The following SRPX variants were observed in gnomAD, a reference collection of about 807,000 sequenced individuals.
SRPX encodes sushi repeat containing protein X-linked, also known as sushi repeat-containing protein SRPX.
A neutral mutation model predicts 38.1 loss-of-function variants in SRPX; 24 were observed. That is an observed-to-expected ratio of 0.63 (90% confidence interval 0.46 to 0.89). The LOEUF (loss-of-function observed/expected upper bound fraction) is 0.89. SRPX is among the 40% of genes least tolerant of loss of function. SRPX has a pLI of 0.00. For missense variants in SRPX, 416 were observed against 377.8 expected (o/e 1.10, Z -0.84); for synonymous variants, 184 against 153.8 (o/e 1.20, Z -1.45).
At chrX:38,216,111 A>G (rs954339000) in intron 1 of SRPX, among the ~76,000 whole-genome samples, 4 of 112,001 alleles carry the variant, frequency 3.6e-5, no homozygotes, top group African/African-American at 1.3e-4. Flanking sequence ...AGAGAAGCCC[A>G]CACATCCTCT....
intron 1 of SRPX, among the ~76,000 whole-genome samples, chrX:38,210,765 G>A (rs781534760): frequency 8.9e-5 from 10 of 112,299 alleles, no homozygotes; most frequent in Non-Finnish European, 1.3e-4. Context: ...TAAATTAACC[G>A]TATACAAGGC....
intron 1 of SRPX, among the ~76,000 whole-genome samples, chrX:38,191,925 C>T (rs1408654805): frequency 8.9e-6 from 1 of 112,510 alleles, no homozygotes; most frequent in Non-Finnish European, 1.9e-5. Flanking sequence ...CTCATATTTA[C>T]ATAATGCCTT....
chrX:38,217,192 C>G (rs2034050110), intron 1 of SRPX, among the ~76,000 whole-genome samples: 1 of 112,654 alleles, frequency 8.9e-6, no homozygotes, highest in South Asian at 3.6e-4. Context: ...ACGGCCCCTG[C>G]CTCCAAGGTC....
At chrX:38,179,509 A>G (rs1169261419) in intron 1 of SRPX, among the ~76,000 whole-genome samples, 2 of 111,775 alleles carry the variant, frequency 1.8e-5, no homozygotes, top group African/African-American at 6.5e-5. Context: ...TGTCTTGGTC[A>G]CGCATTTAGT....
chrX:38,190,979 A>G, intron 1 of SRPX, among the ~76,000 whole-genome samples: 1 of 111,726 alleles, frequency 9.0e-6, no homozygotes, highest in Non-Finnish European at 1.9e-5. Flanking sequence ...TGAGCCCTGA[A>G]GCTGCCAACG....
intron 1 of SRPX, among the ~76,000 whole-genome samples, chrX:38,195,057 G>T (rs55992566): frequency 9.2e-6 from 1 of 109,002 alleles, no homozygotes; most frequent in East Asian, 2.9e-4. Context: ...ATTTTTAGTA[G>T]AGATGGAGTT....
At chrX:38,208,634 C>A in intron 1 of SRPX, among the ~76,000 whole-genome samples, 1 of 111,011 alleles carries the variant, frequency 9.0e-6, no homozygotes, top group African/African-American at 3.3e-5. Flanking sequence ...CTGCTTTCAA[C>A]TTTTTATGCC....
At chrX:38,157,608 A>G in intron 7 of SRPX, among the ~76,000 whole-genome samples, 1 of 112,212 alleles carries the variant, frequency 8.9e-6, no homozygotes, top group Non-Finnish European at 1.9e-5. Flanking sequence ...TCCCATTTCA[A>G]AATCCTTAAC....
At chrX:38,214,847 A>C (rs1283803706) in intron 1 of SRPX, among the ~76,000 whole-genome samples, 2 of 111,921 alleles carry the variant, frequency 1.8e-5, no homozygotes, top group Non-Finnish European at 3.8e-5. Context: ...GTTTGCGAAC[A>C]ATCTTGGATC....
intron 1 of SRPX, among the ~76,000 whole-genome samples, chrX:38,183,915 CA>C (rs1273664213): frequency 9.0e-6 from 1 of 111,356 alleles, no homozygotes; most frequent in Non-Finnish European, 1.9e-5. Context: ...GCTCTCCTTG[CA>C]AAAACTTTCT....
At chrX:38,164,037 C>A (rs1051115840) in intron 5 of SRPX, among the ~76,000 whole-genome samples, 1 of 111,740 alleles carries the variant, frequency 8.9e-6, no homozygotes. Flanking sequence ...CTTTCCCCTT[C>A]TGTTCCTCCT....
rs747530019 is a variant in SRPX, at chrX:38,160,904, G to A, written c.775+29C>T. 2.7e-5 allele frequency: 32 copies of A among 1,199,209 alleles called. No individual in the cohort carries two copies. The East Asian group carries it at 6.2e-4, about 23-fold the overall frequency. On this transcript the variant is annotated intron_variant, in intron 6 of 9. Coordinates refer to ENST00000378533, the MANE Select transcript of SRPX (RefSeq NM_006307.5). Reference sequence around the variant, plus strand: ...CCCTTTGCTCTTCTAAAGAGAGGGGGAAACAAAACCAATAAGCAGTACTCT... The same window carrying A: ...CCCTTTGCTCTTCTAAAGAGAGGGGAAAACAAAACCAATAAGCAGTACTCT...
At chrX:38,201,982 T>C (rs1409942275) in intron 1 of SRPX, among the ~76,000 whole-genome samples, 1 of 111,923 alleles carries the variant, frequency 8.9e-6, no homozygotes, top group Non-Finnish European at 1.9e-5. Flanking sequence ...AAAGAAGAAC[T>C]GTAATGCTTC....
At chrX:38,158,707 G>A (rs774877074) in intron 7 of SRPX, among the ~76,000 whole-genome samples, 6 of 111,717 alleles carry the variant, frequency 5.4e-5, no homozygotes, top group South Asian at 3.8e-4. Flanking sequence ...GAGACCGGGC[G>A]CAGTGTCTCA....
intron 1 of SRPX, among the ~76,000 whole-genome samples, chrX:38,187,574 T>C (rs965240968): frequency 8.9e-5 from 10 of 112,517 alleles, no homozygotes; most frequent in Non-Finnish European, 1.7e-4. Context: ...TGGTTCCCTA[T>C]ATGCCTTTAT....
chrX:38,187,654 G>A (rs1938812212), intron 1 of SRPX, among the ~76,000 whole-genome samples: 1 of 112,089 alleles, frequency 8.9e-6, no homozygotes, highest in Non-Finnish European at 1.9e-5. Flanking sequence ...CTATTGCCGG[G>A]TCTCTTGTAT....
intron 1 of SRPX, among the ~76,000 whole-genome samples, chrX:38,205,038 C>G (rs1243068983): frequency 9.0e-6 from 1 of 111,480 alleles, no homozygotes; most frequent in African/African-American, 3.3e-5. Flanking sequence ...CTTGAGCTTA[C>G]AGTAAATGAT....
intron 5 of SRPX, among the ~76,000 whole-genome samples, chrX:38,161,873 A>T (rs1938270229): frequency 9.0e-6 from 1 of 111,652 alleles, no homozygotes; most frequent in Non-Finnish European, 1.9e-5. Flanking sequence ...CTGTTTTTCA[A>T]TATACATATA....
chrX:38,185,764 T>C (rs1321856880), intron 1 of SRPX, among the ~76,000 whole-genome samples: 2 of 110,140 alleles, frequency 1.8e-5, no homozygotes, highest in Non-Finnish European at 3.8e-5. Context: ...GAAATATCAC[T>C]AGCTTGACTT....
Sources: gnomAD v4.1 joint callset for allele counts (sites outside exome capture counted in the v4.1 genomes callset) on GRCh38, gnomAD v4.1.1 for gene constraint, MANE v1.5 for transcripts, NCBI Gene and HGNC (gene_info 2026-07-23, HGNC 2026-07-21) for gene names.